SEPTIN12: variants seen among roughly 807,000 people sequenced by gnomAD.
SEPTIN12 encodes septin-12.
In SEPTIN12, 42 loss-of-function variants were observed where a neutral mutation model predicts 37.7. The ratio of observed to expected loss-of-function variants is 1.11; its 90% confidence interval spans 0.87 to 1.44. The LOEUF (loss-of-function observed/expected upper bound fraction) is 1.44, where lower values mean the gene tolerates loss of function less well. SEPTIN12 is among the 40% of genes most tolerant of loss of function. SEPTIN12 has a pLI of 0.00. For missense variants in SEPTIN12, 613 were observed against 479.2 expected (o/e 1.28, Z -2.61); for synonymous variants, 254 against 196.7 (o/e 1.29, Z -2.44).
intron 8 of SEPTIN12, among the ~76,000 whole-genome samples, chr16:4,778,357 C>T (rs984375405): frequency 6.6e-6 from 1 of 152,226 alleles, no homozygotes; most frequent in African/African-American, 2.4e-5. Flanking sequence ...TGAATGAATC[C>T]ACCAATCATT....
At chr16:4,782,758 C>G (rs1328496672) in intron 7 of SEPTIN12, among the ~76,000 whole-genome samples, 3 of 152,048 alleles carry the variant, frequency 2.0e-5, no homozygotes, top group Admixed American at 6.6e-5. Flanking sequence ...CACCCACCAC[C>G]ACGCCCAGCT....
At chr16:4,782,820 G>A (rs1352149821) in intron 7 of SEPTIN12, among the ~76,000 whole-genome samples, 1 of 151,898 alleles carries the variant, frequency 6.6e-6, no homozygotes, top group Non-Finnish European at 1.5e-5. Flanking sequence ...GGCCAGGCTG[G>A]TCTCGAACTC....
intron 8 of SEPTIN12, 124 bp downstream of exon 8, chr16:4,779,566 C>G: frequency 1.4e-6 from 1 of 724,518 alleles, no homozygotes; most frequent in East Asian, 2.6e-5. Flanking sequence ...GGACCATTCC[C>G]CAGGGCTCTT....
intron 7 of SEPTIN12, among the ~76,000 whole-genome samples, chr16:4,782,182 G>T (rs1460356809): frequency 2.0e-5 from 3 of 148,920 alleles, no homozygotes; most frequent in East Asian, 2.0e-4. Context: ...ACCCCTGGCC[G>T]CAAGTGATCT....
In SEPTIN12 at chr16:4,787,466, T is replaced by C. The variant is rs1333441128; in HGVS notation, c.166+14A>G. Reference sequence around the variant, plus strand: ...TGTGGGTCTGTCCTGCCGTGGGCCCTACCTCTCACTCACCCACCACCATGA... The same window carrying C: ...TGTGGGTCTGTCCTGCCGTGGGCCCCACCTCTCACTCACCCACCACCATGA... On this transcript the variant is annotated intron_variant, in intron 2 of 9. Coordinates refer to ENST00000268231, the MANE Select transcript of SEPTIN12 (RefSeq NM_144605.5). The C allele has an allele frequency of 6.2e-7, 1 of 1,610,830 alleles. No homozygotes were observed. The highest frequency in any genetic ancestry group is 8.5e-7 in the Non-Finnish European group (1 of 1,179,240).
At chr16:4,788,494 A>G (rs759992), upstream of SEPTIN12, 92,532 of 152,018 alleles carry the variant, frequency 0.61, 29,809 homozygotes, top group African/African-American at 0.83. Flanking sequence ...ATAATACAAT[A>G]ATCCCCAAGT....
At chr16:4,783,622 C>G (rs1394911981) in intron 6 of SEPTIN12, 27 bp downstream of exon 6, 5 of 1,612,204 alleles carry the variant, frequency 3.1e-6, no homozygotes, top group Non-Finnish European at 4.2e-6. Context: ...CCCGCTGACC[C>G]CAGCCCTGCC....
chr16:4,786,046 T>G lies in SEPTIN12; in HGVS notation c.226A>C (p.Lys76Gln), dbSNP rs2082439346. Residue 76 changes from lysine (K) to glutamine (Q), a missense_variant, in exon 3 of 10, where the codon AAG becomes CAG. Transcript: ENST00000268231. The part of the protein sequence containing the change: ...VNTLFKSKVW[K>Q]SNPPGLGVPT... ...ACCCCCAAGCCCGGTGGGTTTGACT[T>G]CCACACTTTGGACTTGAACAGCGTG... 3 of 1,614,028 alleles carry G rather than the reference T, an allele frequency of 1.9e-6. No homozygotes were observed. Among genetic ancestry groups the G allele is most frequent in the Non-Finnish European group, 2.5e-6 (3 of 1,179,972 alleles).
rs1033009310 is a variant in SEPTIN12, at chr16:4,784,125, C to A, written c.375-57G>T. ...CTGTGCTGTGCCCAGAGAGCCCCACCCCTCTCCTCTGTGTCCTCTGGGCGG... is the reference window on the plus strand; with the variant it reads ...CTGTGCTGTGCCCAGAGAGCCCCACACCTCTCCTCTGTGTCCTCTGGGCGG... On this transcript the variant is annotated intron_variant, in intron 4 of 9. Coordinates refer to ENST00000268231, the MANE Select transcript of SEPTIN12 (RefSeq NM_144605.5). The A allele has an allele frequency of 5.6e-6, 9 of 1,602,228 alleles. No homozygotes were observed. The African/African-American group carries it at 1.2e-4, about 21-fold the overall frequency.
Position 4,783,554 on chromosome 16 carries a change from G to A in SEPTIN12, c.634C>T (p.Gln212Ter), listed in dbSNP as rs1326639921. The change falls in exon 7 of 10, where the codon CAG (glutamine) becomes TAG (stop). Residue 212 changes from glutamine to a stop codon, truncating the protein, a stop_gained. Coordinates refer to ENST00000268231, the MANE Select transcript of SEPTIN12 (RefSeq NM_144605.5). LOFTEE classifies it high-confidence loss of function. ...ATGCAGTGGGTCCTCAGGTTCTGCT[G>A]GATCTGGAGATCCCACACAGGTGAC... ...EEREAFRRRI[Q>*]QNLRTHCIDV... The A allele has an allele frequency of 1.2e-6, 2 of 1,614,048 alleles. No individual in the cohort carries two copies. The highest frequency in any genetic ancestry group is 1.7e-6 in the Non-Finnish European group (2 of 1,179,914).
At chr16:4,781,227 C>T (rs957154441) in intron 7 of SEPTIN12, among the ~76,000 whole-genome samples, 4 of 151,656 alleles carry the variant, frequency 2.6e-5, no homozygotes, top group Admixed American at 2.6e-4. Context: ...CCACTATACT[C>T]CAGCTTGGGT....
chr16:4,778,207 C>A (rs1282670997), intron 8 of SEPTIN12, 70 bp from the exon 9 acceptor site: 12 of 1,470,658 alleles, frequency 8.2e-6, no homozygotes, highest in Non-Finnish European at 9.5e-6. Flanking sequence ...GTATGCACCA[C>A]CTGACACCAT....
chr16:4,779,094 C>T (rs563018071), intron 8 of SEPTIN12, among the ~76,000 whole-genome samples: 6 of 151,472 alleles, frequency 4.0e-5, no homozygotes, highest in South Asian at 2.1e-4. Flanking sequence ...GCCGAGATCA[C>T]GCCACCGCAC....
In SEPTIN12 at chr16:4,782,181, C is replaced by T. The variant is rs192594268; in HGVS notation, c.726+1281G>A. Among the ~76,000 whole-genome samples, 394 of 151,972 alleles carry T rather than the reference C, an allele frequency of 2.6e-3. 1 individual carries two copies. The highest frequency in any genetic ancestry group is 4.0e-3 in the Non-Finnish European group (269 of 67,960). On this transcript the variant is annotated intron_variant, in intron 7 of 9. Transcript: ENST00000268231. ...GCCAGGCTGGTCTCGAACCCCTGGC[C>T]GCAAGTGATCTGCCCACCTCAGCTT...
At chr16:4,785,590 A>G (rs552709963) in intron 4 of SEPTIN12, 2 of 520,298 alleles carry the variant, frequency 3.8e-6, no homozygotes, top group East Asian at 6.7e-5. Context: ...CCTGGCCAAC[A>G]TGGTGAAACC....
In SEPTIN12 at chr16:4,777,869, T is replaced by G; in HGVS notation, c.1005A>C (p.Pro335=). 2 of 1,597,036 alleles carry G rather than the reference T, an allele frequency of 1.3e-6. No individual in the cohort carries two copies. The highest frequency in any genetic ancestry group is 1.7e-6 in the Non-Finnish European group (2 of 1,172,652). The change falls in exon 10 of 10, where the codon CCA becomes CCC. Residue 335 remains proline (P), a synonymous_variant. Transcript: ENST00000268231. ...AGGTCCGGGGGGTGGTCAGCTGTCC[T>G]GGGGAGGCCGGGGCCAGGTTCACCC... The part of the protein sequence containing the change: ...PGWVNLAPAS[P]GQLTTPRTFK...
Position 4,785,694 on chromosome 16 carries a change from C to G in SEPTIN12, c.374+113G>C, listed in dbSNP as rs2082429628. 4.0e-6 allele frequency: 3 copies of G among 757,806 alleles called. No individual in the cohort carries two copies. The African/African-American group carries it at 5.2e-5, about 13-fold the overall frequency. The allele number at this position is 757,806 out of a possible 1,614,324, so 46.9% of individuals were successfully genotyped here. The stretch of plus-strand genomic sequence containing the variant: ...TCGGGAGGCTGAGGCAGGAGAATCA[C>G]TTGAACCTGGGAGGTGGAGGTTGCA... On this transcript the variant is annotated intron_variant, in intron 4 of 9. Coordinates refer to ENST00000268231, the MANE Select transcript of SEPTIN12 (RefSeq NM_144605.5).
intron 7 of SEPTIN12, among the ~76,000 whole-genome samples, chr16:4,782,277 C>G (rs948521728): frequency 6.6e-6 from 1 of 152,028 alleles, no homozygotes; most frequent in Non-Finnish European, 1.5e-5. Flanking sequence ...AAAGGGTGAA[C>G]TTCATTGCTT....
chr16:4,786,199 G>A lies in SEPTIN12; in HGVS notation c.167-94C>T, dbSNP rs577558315. 1.4e-5 allele frequency: 20 copies of A among 1,446,780 alleles called. 1 individual carries two copies. In the South Asian group the frequency reaches 2.7e-4, roughly 19 times the overall value. 89.6% of individuals were successfully genotyped at this position (1,446,780 alleles called of 1,614,324 possible). ...TTTTCTATTTTATTTTTGGAGACAG[G>A]TTCTCACTCTGTCACCCAGGCTGGA... On this transcript the variant is annotated intron_variant, in intron 2 of 9. Transcript: ENST00000268231.
Sources: allele counts gnomAD v4.1 joint callset (sites outside exome capture counted in the v4.1 genomes callset), GRCh38; gene constraint gnomAD v4.1.1; transcripts MANE v1.5; gene names NCBI Gene and HGNC (gene_info 2026-07-23, HGNC 2026-07-21).